Variants in CADM2 observed in about 807,000 individuals in gnomAD.
CADM2 encodes immunoglobulin superfamily member 4D.
CADM2 carries 12 observed loss-of-function variants against 49.8 expected under a neutral mutation model. The observed-to-expected ratio is 0.24, with a 90% confidence interval of 0.15 to 0.39. The LOEUF is 0.39. Among genes scored for constraint, CADM2 ranks in the 10% least tolerant of loss-of-function variants. The probability of loss-of-function intolerance (pLI) is 1.00; values close to 1 mark genes in which losing one functional copy is unlikely to be tolerated. For synonymous variants in CADM2, 214 were observed against 175.4 expected (o/e 1.22, Z -1.74); for missense variants, 378 against 492.3 (o/e 0.77, Z 2.20).
At position 85,519,621 on chromosome 3, in the gene CADM2, AT is replaced by A. The variant is rs1233139525; in HGVS notation, c.62-206899del. On this transcript the variant is annotated intron_variant, in intron 1 of 9. Transcript: ENST00000383699. ...TCATTTTAACCTGACTCATTATAATATTAATAAACACGACATCAACTTTTTA... is the reference window on the plus strand; with the variant it reads ...TCATTTTAACCTGACTCATTATAATATAATAAACACGACATCAACTTTTTA... Among the ~76,000 whole-genome samples the A allele has an allele frequency of 2.0e-5, 3 of 152,264 alleles. No homozygotes were observed. In the East Asian group the frequency reaches 5.8e-4, roughly 29 times the overall value.
chr3:85,326,612 T>G (rs1036399618), intron 1 of CADM2, among the ~76,000 whole-genome samples: 11 of 152,170 alleles, frequency 7.2e-5, no homozygotes, highest in Non-Finnish European at 1.0e-4. Context: ...GAAATGATTT[T>G]TCACAAAAAA....
At chr3:85,255,461 A>G (rs2042864331) in intron 1 of CADM2, among the ~76,000 whole-genome samples, 1 of 152,082 alleles carries the variant, frequency 6.6e-6, no homozygotes, top group Non-Finnish European at 1.5e-5. Context: ...AAAGCCATAC[A>G]TGAAGGCCCT....
chr3:85,616,023 A>C (rs148134910), intron 1 of CADM2, among the ~76,000 whole-genome samples: 3 of 152,026 alleles, frequency 2.0e-5, no homozygotes, highest in African/African-American at 7.2e-5. Context: ...TTGGTAAGAC[A>C]GTCTAGTAAG....
chr3:85,152,592 G>A (rs114856579), intron 1 of CADM2, among the ~76,000 whole-genome samples: 26 of 152,062 alleles, frequency 1.7e-4, no homozygotes, highest in South Asian at 1.7e-3. Context: ...CTTTAATATC[G>A]CAGTTTTTCA....
intron 2 of CADM2, among the ~76,000 whole-genome samples, chr3:85,779,958 G>A (rs1218915689): frequency 1.3e-5 from 2 of 152,052 alleles, no homozygotes; most frequent in East Asian, 1.9e-4. Context: ...ATATAGATAC[G>A]AAGGACTAAG....
At chr3:85,753,104 T>TA (rs1385094746) in intron 2 of CADM2, among the ~76,000 whole-genome samples, 2 of 151,622 alleles carry the variant, frequency 1.3e-5, no homozygotes, top group Admixed American at 1.3e-4. Flanking sequence ...CAGAATTTGT[T>TA]AAAAAAAGAA....
In CADM2 at chr3:85,399,617, G is replaced by C. The variant is rs956131165; in HGVS notation, c.62-326905G>C. Reference sequence around the variant, plus strand: ...TTCTTCCTATCCATGAGCATGGAATGTTCTTCCATTTGTATGTGTCCTCTT... The same window carrying C: ...TTCTTCCTATCCATGAGCATGGAATCTTCTTCCATTTGTATGTGTCCTCTT... On this transcript the variant is annotated intron_variant, in intron 1 of 9. Coordinates refer to ENST00000383699, the MANE Select transcript of CADM2 (RefSeq NM_001167675.2). Among the ~76,000 whole-genome samples the C allele has an allele frequency of 3.3e-5, 5 of 152,264 alleles. No homozygotes were observed. The East Asian group carries it at 5.8e-4, about 18-fold the overall frequency.
chr3:85,572,810 G>A (rs573393192), intron 1 of CADM2, among the ~76,000 whole-genome samples: 1 of 152,256 alleles, frequency 6.6e-6, no homozygotes, highest in African/African-American at 2.4e-5. Context: ...GCCACCAGCA[G>A]ATTGGATGGT....
intron 1 of CADM2, among the ~76,000 whole-genome samples, chr3:85,628,550 TAC>T (rs1431122662): frequency 2.7e-5 from 4 of 147,006 alleles, no homozygotes; most frequent in Non-Finnish European, 4.5e-5. Context: ...CACATATATA[TAC>T]ACACACATAT....
At chr3:85,625,552 A>G (rs1576961811) in intron 1 of CADM2, among the ~76,000 whole-genome samples, 1 of 152,076 alleles carries the variant, frequency 6.6e-6, no homozygotes, top group South Asian at 2.1e-4. Context: ...CACTCTTTCA[A>G]CTTGTGTAAG....
intron 2 of CADM2, among the ~76,000 whole-genome samples, chr3:85,730,547 A>G (rs906151449): frequency 1.3e-5 from 2 of 152,174 alleles, no homozygotes; most frequent in Non-Finnish European, 2.9e-5. Context: ...TCAATTCTCA[A>G]CATGCTACAT....
chr3:85,172,296 A>G (rs1042692901), intron 1 of CADM2, among the ~76,000 whole-genome samples: 2 of 152,190 alleles, frequency 1.3e-5, no homozygotes, highest in African/African-American at 4.8e-5. Flanking sequence ...TTCAATTGTA[A>G]AAAAGAGAGT....
At chr3:85,228,565 A>G in intron 1 of CADM2, among the ~76,000 whole-genome samples, 1 of 151,946 alleles carries the variant, frequency 6.6e-6, no homozygotes, top group East Asian at 2.0e-4. Flanking sequence ...TCTTTCTAAC[A>G]GTCAGGCCCC....
chr3:85,232,646 G>A lies in CADM2; in HGVS notation c.61+272978G>A, dbSNP rs565356591. Among the ~76,000 whole-genome samples the A allele has an allele frequency of 4.6e-5, 7 of 152,156 alleles. No individual in the cohort carries two copies. The East Asian group carries it at 9.7e-4, about 21-fold the overall frequency. ...GATATCTCACCAAAAAAGCTTTACT[G>A]ATGGCGAATAAACATGTGAAAAAAA... On this transcript the variant is annotated intron_variant, in intron 1 of 9. Coordinates refer to ENST00000383699, the MANE Select transcript of CADM2 (RefSeq NM_001167675.2).
intron 1 of CADM2, among the ~76,000 whole-genome samples, chr3:85,507,449 A>T (rs2040409098): frequency 6.6e-6 from 1 of 152,146 alleles, no homozygotes. Flanking sequence ...TCAGCCTCCC[A>T]AAGTGCTGGA....
At chr3:85,880,646 G>A (rs568630360) in intron 3 of CADM2, among the ~76,000 whole-genome samples, 5 of 152,272 alleles carry the variant, frequency 3.3e-5, no homozygotes, top group Non-Finnish European at 5.9e-5. Flanking sequence ...CTTGAAATGG[G>A]AAATGCATTG....
At chr3:85,377,305 T>C (rs1450258850) in intron 1 of CADM2, among the ~76,000 whole-genome samples, 1 of 152,062 alleles carries the variant, frequency 6.6e-6, no homozygotes, top group African/African-American at 2.4e-5. Context: ...ATAGCGGAAT[T>C]AGTGTCTACA....
chr3:85,982,617 T>C (rs1030671752), intron 8 of CADM2, among the ~76,000 whole-genome samples: 1 of 151,716 alleles, frequency 6.6e-6, no homozygotes, highest in Non-Finnish European at 1.5e-5. Flanking sequence ...AGTTCATAAC[T>C]GAAAGTGTGG....
chr3:85,290,148 A>C (rs566404034), intron 1 of CADM2, among the ~76,000 whole-genome samples: 1 of 152,196 alleles, frequency 6.6e-6, no homozygotes, highest in Non-Finnish European at 1.5e-5. Flanking sequence ...GGGGTCAGGG[A>C]GTTCCCTTTC....
Sources: allele counts gnomAD v4.1 joint callset (sites outside exome capture counted in the v4.1 genomes callset), GRCh38; gene constraint gnomAD v4.1.1; transcripts MANE v1.5; gene names NCBI Gene and HGNC (gene_info 2026-07-23, HGNC 2026-07-21).